Variants in SMARCC1 observed in about 807,000 individuals in gnomAD.
The protein encoded by SMARCC1 is SWI/SNF complex subunit SMARCC1.
Under a neutral mutation model 147.4 loss-of-function variants are expected in SMARCC1, and 43 were observed. The ratio of observed to expected loss-of-function variants is 0.29; its 90% CI spans 0.23 to 0.38. The LOEUF is 0.38. Among genes scored for constraint, SMARCC1 ranks in the 10% least tolerant of loss-of-function variants. The pLI is 1.00. For synonymous variants in SMARCC1, 495 were observed against 484.4 expected (o/e 1.02, Z -0.29); for missense variants, 1,119 against 1,381.1 (o/e 0.81, Z 3.01).
At chr3:47,635,807 A>C (rs982644770) in intron 23 of SMARCC1, among the ~76,000 whole-genome samples, 17 of 152,228 alleles carry the variant, frequency 1.1e-4, no homozygotes, top group African/African-American at 3.6e-4. Context: ...ACTGTTGAAT[A>C]ACTTTTTCTT....
rs1360952864 is a variant in SMARCC1, at chr3:47,610,187, T to TGAGTGCTGGTGTGCCTGTTGA, written c.2901_2921dup (p.Gln968_Ser974dup). The TGAGTGCTGGTGTGCCTGTTGA allele has an allele frequency of 6.2e-7, 1 of 1,614,090 alleles. No homozygotes were observed. Among genetic ancestry groups the TGAGTGCTGGTGTGCCTGTTGA allele is most frequent in the Non-Finnish European group, 8.5e-7 (1 of 1,180,050 alleles). ...CAAGTGGGGCCAGGCCAGGTCCTCCTGAGTGCTGGTGTGCCTGTTGAGGGT... is the reference window on the plus strand; with the variant it reads ...CAAGTGGGGCCAGGCCAGGTCCTCCTGAGTGCTGGTGTGCCTGTTGAGAGTGCTGGTGTGCCTGTTGAGGGT... On this transcript the variant is annotated inframe_insertion, in exon 26 of 28. Transcript: ENST00000254480.
chr3:47,762,865 G>C (rs2034790356), intron 2 of SMARCC1, among the ~76,000 whole-genome samples: 1 of 152,170 alleles, frequency 6.6e-6, no homozygotes, highest in Admixed American at 6.5e-5. Flanking sequence ...AGGAGATCGA[G>C]ACCATCCTGG....
chr3:47,714,342 G>A (rs745840145), intron 8 of SMARCC1, 73 bp downstream of exon 8: 46 of 856,094 alleles, frequency 5.4e-5, no homozygotes, highest in Non-Finnish European at 8.7e-5. Flanking sequence ...TAGCCTGGGC[G>A]ACAGAGTGAG....
chr3:47,721,320 TA>T (rs2034230380), intron 6 of SMARCC1, among the ~76,000 whole-genome samples: 1 of 152,182 alleles, frequency 6.6e-6, no homozygotes, highest in Admixed American at 6.5e-5. Context: ...AACAAGAGTG[TA>T]AGCAATGTGA....
In SMARCC1 at chr3:47,708,100, T is replaced by TTTTTC. The variant is rs2034036958; in HGVS notation, c.919-1571_919-1570insGAAAA. The stretch of plus-strand genomic sequence containing the variant: ...TTTTTTTTCTTTTTTTTTTTTTTTT[T>TTTTTC]TTTTTTTTTTTTTTTTTGAGACAGG... On this transcript the variant is annotated intron_variant, in intron 9 of 27. Transcript: ENST00000254480. Among the ~76,000 whole-genome samples the TTTTTC allele has an allele frequency of 3.4e-5, 4 of 116,682 alleles. No individual in the cohort carries two copies. In the Admixed American group the frequency reaches 3.6e-4, roughly 11 times the overall value. The allele number at this position is 116,682 out of a possible 152,430, so 76.5% of individuals were successfully genotyped here.
intron 14 of SMARCC1, among the ~76,000 whole-genome samples, chr3:47,683,077 C>T (rs969018144): frequency 1.3e-5 from 2 of 152,220 alleles, no homozygotes; most frequent in African/African-American, 4.8e-5. Context: ...GAGTCTCGCT[C>T]TGTCGCCCAG....
chr3:47,708,313 G>C (rs1019966063), intron 9 of SMARCC1, among the ~76,000 whole-genome samples: 12 of 151,118 alleles, frequency 7.9e-5, no homozygotes, highest in African/African-American at 2.7e-4. Flanking sequence ...GCTAATTTTT[G>C]TATTTTTTGC....
At chr3:47,771,803 T>C (rs1425871779) in intron 2 of SMARCC1, among the ~76,000 whole-genome samples, 1 of 151,786 alleles carries the variant, frequency 6.6e-6, no homozygotes, top group African/African-American at 2.4e-5. Flanking sequence ...AAATAAAGGC[T>C]GGGTGTGGTG....
intron 16 of SMARCC1, among the ~76,000 whole-genome samples, chr3:47,677,417 T>A (rs1194094777): frequency 1.1e-4 from 15 of 135,056 alleles, no homozygotes; most frequent in African/African-American, 3.1e-4. Context: ...TTTTTTTTTT[T>A]AATTTCGGCA....
intron 2 of SMARCC1, among the ~76,000 whole-genome samples, chr3:47,767,829 T>C (rs968057752): frequency 4.6e-5 from 7 of 151,104 alleles, no homozygotes; most frequent in East Asian, 2.0e-4. Context: ...GACTGCGCCA[T>C]TGCACTCCAG....
chr3:47,638,931 A>C, intron 21 of SMARCC1, 151 bp from the exon 22 acceptor site: 1 of 643,712 alleles, frequency 1.6e-6, no homozygotes, highest in Non-Finnish European at 2.8e-6. Context: ...GTCAGGCACA[A>C]AACAACACAC....
intron 6 of SMARCC1, among the ~76,000 whole-genome samples, chr3:47,721,171 GAA>G (rs2034228750): frequency 6.6e-6 from 1 of 152,114 alleles, no homozygotes; most frequent in African/African-American, 2.4e-5. Context: ...TCTCATTGAT[GAA>G]AGTTTTACTA....
At chr3:47,599,074 T>A (rs2032345364) in intron 26 of SMARCC1, among the ~76,000 whole-genome samples, 1 of 152,044 alleles carries the variant, frequency 6.6e-6, no homozygotes, top group Non-Finnish European at 1.5e-5. Context: ...AGAGTAAGAA[T>A]ACATTTCTCT....
At chr3:47,669,057 C>T (rs1388059200) in intron 19 of SMARCC1, among the ~76,000 whole-genome samples, 2 of 152,082 alleles carry the variant, frequency 1.3e-5, no homozygotes, top group African/African-American at 2.4e-5. Context: ...CTATATAAAT[C>T]GAAGATGTTA....
chr3:47,714,089 C>CACGATGGCTTACA (rs1180504065), intron 8 of SMARCC1, among the ~76,000 whole-genome samples: 1 of 152,202 alleles, frequency 6.6e-6, no homozygotes, highest in Non-Finnish European at 1.5e-5. Flanking sequence ...TTTGGCCAGG[C>CACGATGGCTTACA]ACGATGGCTT....
intron 9 of SMARCC1, among the ~76,000 whole-genome samples, chr3:47,707,410 T>C (rs887973027): frequency 6.6e-6 from 1 of 151,316 alleles, no homozygotes; most frequent in African/African-American, 2.4e-5. Flanking sequence ...CCAGACCTAA[T>C]GAACAAGTTC....
rs1484515417 is a variant in SMARCC1 at position 47,688,362 on chromosome 3, G to C, written c.1263+1025C>G. ...ACAGGTGAAGAGTCATAAGAAAAGA[G>C]TTTCTTGAAATACTTTTCCGGAAAT... On this transcript the variant is annotated intron_variant, in intron 13 of 27. Coordinates refer to ENST00000254480, the MANE Select transcript of SMARCC1 (RefSeq NM_003074.4). Among the ~76,000 whole-genome samples the C allele has an allele frequency of 2.0e-5, 3 of 150,536 alleles. No homozygotes were observed. The East Asian group carries it at 5.8e-4, about 29-fold the overall frequency.
chr3:47,698,079 T>G (rs2033875485), intron 11 of SMARCC1, among the ~76,000 whole-genome samples: 1 of 129,964 alleles, frequency 7.7e-6, no homozygotes, highest in Admixed American at 8.0e-5. Context: ...CCTTTTAAAG[T>G]ATATTAAACA....
At chr3:47,617,207 T>C (rs2032657437) in intron 25 of SMARCC1, among the ~76,000 whole-genome samples, 1 of 152,240 alleles carries the variant, frequency 6.6e-6, no homozygotes, top group African/African-American at 2.4e-5. Flanking sequence ...TTCTGACCCA[T>C]GTGATCTGAG....
Sources: allele counts gnomAD v4.1 joint callset (sites outside exome capture counted in the v4.1 genomes callset), GRCh38; gene constraint gnomAD v4.1.1; transcripts MANE v1.5; gene names NCBI Gene and HGNC (gene_info 2026-07-23, HGNC 2026-07-21).